FAM133B: variants seen among roughly 807,000 people sequenced by gnomAD.
FAM133B encodes family with sequence similarity 133 member B.
Under a neutral mutation model 46.4 loss-of-function variants are expected in FAM133B, and 25 were observed. That is an observed-to-expected ratio of 0.54 (90% CI 0.39 to 0.75). FAM133B has a LOEUF of 0.75. Among genes scored for constraint, FAM133B ranks in the 30% least tolerant of loss-of-function variants. The pLI is 0.00. For synonymous variants in FAM133B, 75 were observed against 86.0 expected (o/e 0.87, Z 0.71); for missense variants, 205 against 277.6 (o/e 0.74, Z 1.86).
intron 8 of FAM133B, among the ~76,000 whole-genome samples, chr7:92,571,552 T>C (rs977842446): frequency 5.3e-5 from 8 of 152,172 alleles, no homozygotes; most frequent in African/African-American, 1.2e-4. Flanking sequence ...AGTACTGTAA[T>C]AGTCACCCTT....
chr7:92,582,945 C>G (rs1794931310), intron 1 of FAM133B, among the ~76,000 whole-genome samples: 2 of 152,178 alleles, frequency 1.3e-5, no homozygotes, highest in African/African-American at 4.8e-5. Flanking sequence ...AAAAGTTAAA[C>G]ATAGAACTAC....
chr7:92,563,701 C>A (rs1273073381), intron 10 of FAM133B, among the ~76,000 whole-genome samples: 1 of 152,190 alleles, frequency 6.6e-6, no homozygotes, highest in African/African-American at 2.4e-5. Context: ...ATTAGCACAA[C>A]AAAATGCTTC....
chr7:92,581,661 A>C, intron 1 of FAM133B, 58 bp from the exon 2 acceptor site: 2 of 1,332,816 alleles, frequency 1.5e-6, no homozygotes, highest in Non-Finnish European at 2.2e-6. Flanking sequence ...GCAAAACCTC[A>C]CTTACTCATC....
chr7:92,588,987 T>C (rs1041976930), intron 1 of FAM133B, among the ~76,000 whole-genome samples: 5 of 152,168 alleles, frequency 3.3e-5, no homozygotes, highest in Admixed American at 2.6e-4. Context: ...TTACCCAGCC[T>C]CAGGTTTTTC....
At position 92,560,871 on chromosome 7, in the gene FAM133B, C is replaced by A. The variant is rs892581857; in HGVS notation, c.*1411G>T. 6.6e-6 allele frequency: 1 copy of A among 152,474 alleles called. No individual in the cohort carries two copies. The highest frequency in any genetic ancestry group is 1.5e-5 in the Non-Finnish European group (1 of 68,000). 9.4% of individuals were successfully genotyped at this position (152,474 alleles called of 1,614,324 possible). ...TGCATATACCACTATAATTAGCACA[C>A]CCTTTGTAACAGGCAAAATTGTACA... On this transcript the variant is annotated 3_prime_UTR_variant, in exon 11 of 11. Transcript: ENST00000445716.
At chr7:92,584,141 A>G (rs6955925) in intron 1 of FAM133B, among the ~76,000 whole-genome samples, 37,015 of 151,336 alleles carry the variant, frequency 0.24, 5,103 homozygotes, top group African/African-American at 0.37. Flanking sequence ...TCTCACTGCA[A>G]CTTTGAAAAA....
chr7:92,589,949 G>C, intron 1 of FAM133B: 1 of 456,214 alleles, frequency 2.2e-6, no homozygotes, highest in Admixed American at 3.7e-5. Flanking sequence ...GGTGTGGGGG[G>C]GGTTCCCCGA....
At chr7:92,586,434 G>A (rs79270659) in intron 1 of FAM133B, among the ~76,000 whole-genome samples, 1 of 152,112 alleles carries the variant, frequency 6.6e-6, no homozygotes, top group African/African-American at 2.4e-5. Flanking sequence ...TTTCATTTTT[G>A]TATCAGTGTG....
intron 3 of FAM133B, among the ~76,000 whole-genome samples, chr7:92,578,776 T>G (rs1269863245): frequency 6.6e-6 from 1 of 152,172 alleles, no homozygotes; most frequent in Non-Finnish European, 1.5e-5. Context: ...CTGGGTATAA[T>G]GGCTCACACC....
chr7:92,589,801 A>T (rs1795138555), intron 1 of FAM133B: 1 of 159,646 alleles, frequency 6.3e-6, no homozygotes, highest in South Asian at 1.8e-4. Context: ...CGGCACAGGG[A>T]CCGCGTCGAG....
At chr7:92,567,839 C>T (rs1163622896) in intron 9 of FAM133B, among the ~76,000 whole-genome samples, 1 of 151,704 alleles carries the variant, frequency 6.6e-6, no homozygotes, top group Non-Finnish European at 1.5e-5. Context: ...TCTCGGCTCA[C>T]TGCAGCCTCT....
chr7:92,586,824 G>A (rs556528132), intron 1 of FAM133B, among the ~76,000 whole-genome samples: 3 of 152,272 alleles, frequency 2.0e-5, no homozygotes, highest in South Asian at 4.2e-4. Context: ...CAAAGTAGCA[G>A]AAAAGAACAT....
chr7:92,584,047 C>CAAAAA lies in FAM133B; in HGVS notation c.25-2449_25-2445dup, dbSNP rs765172200. Among the ~76,000 whole-genome samples, 36 of 36,800 alleles carry CAAAAA rather than the reference C, an allele frequency of 9.8e-4. 1 individual carries two copies. The highest frequency in any genetic ancestry group is 2.2e-3 in the African/African-American group (23 of 10,626). The allele number at this position is 36,800 out of a possible 152,430, so 24.1% of individuals were successfully genotyped here. ...CCTGGGCGAAAGAGCAAGACTGTCT[C>CAAAAA]AAAAAAAAAAAAAAAAAAAAAAAAA... On this transcript the variant is annotated intron_variant, in intron 1 of 10. Transcript: ENST00000445716.
At chr7:92,572,841 C>G (rs115478543) in intron 8 of FAM133B, among the ~76,000 whole-genome samples, 5 of 151,922 alleles carry the variant, frequency 3.3e-5, no homozygotes, top group Non-Finnish European at 5.9e-5. Flanking sequence ...AAAAGGAGAA[C>G]GGAGAAATAA....
intron 9 of FAM133B, among the ~76,000 whole-genome samples, chr7:92,566,989 T>C (rs554458034): frequency 2.0e-5 from 3 of 152,268 alleles, no homozygotes; most frequent in Admixed American, 1.3e-4. Flanking sequence ...GGTGGGAGAA[T>C]TGCTTGAGGC....
At position 92,562,504 on chromosome 7, in the gene FAM133B, A is replaced by C. The variant is rs1585292349; in HGVS notation, c.658-136T>G. On this transcript the variant is annotated intron_variant, in intron 10 of 10. Coordinates refer to ENST00000445716, the MANE Select transcript of FAM133B (RefSeq NM_152789.4). ...GAAAACTACTCAAAACATTCCTCAA[A>C]AAGTCTCAACAACCAGTATCATATG... The C allele has an allele frequency of 8.7e-6, 11 of 1,264,604 alleles. No individual in the cohort carries two copies. The East Asian group carries it at 3.0e-4, about 35-fold the overall frequency. The allele number at this position is 1,264,604 out of a possible 1,614,324, so 78.3% of individuals were successfully genotyped here.
Position 92,562,476 on chromosome 7 carries a change from C to G in FAM133B, c.658-108G>C, listed in dbSNP as rs544368914. ...CATAATTCCAAACAATCCACACAAC[C>G]AAGAAAACTACTCAAAACATTCCTC... On this transcript the variant is annotated intron_variant, in intron 10 of 10. Coordinates refer to ENST00000445716, the MANE Select transcript of FAM133B (RefSeq NM_152789.4). 1.3e-3 allele frequency: 1,769 copies of G among 1,391,412 alleles called. 6 individuals carry two copies. Among genetic ancestry groups the G allele is most frequent in the Non-Finnish European group, 1.1e-3 (1,205 of 1,060,832 alleles). The allele number at this position is 1,391,412 out of a possible 1,614,324, so 86.2% of individuals were successfully genotyped here.
intron 1 of FAM133B, among the ~76,000 whole-genome samples, chr7:92,583,416 T>C (rs1157450767): frequency 1.3e-5 from 2 of 152,224 alleles, no homozygotes; most frequent in East Asian, 1.9e-4. Context: ...ATGTACTTAA[T>C]GTCACTAAAC....
At chr7:92,570,154 A>G (rs1794483553) in intron 8 of FAM133B, among the ~76,000 whole-genome samples, 1 of 152,174 alleles carries the variant, frequency 6.6e-6, no homozygotes, top group Non-Finnish European at 1.5e-5. Context: ...ATTTTCTTAA[A>G]TTATACAGAA....
Sources: allele counts gnomAD v4.1 joint callset (sites outside exome capture counted in the v4.1 genomes callset), GRCh38; gene constraint gnomAD v4.1.1; transcripts MANE v1.5; gene names NCBI Gene and HGNC (gene_info 2026-07-23, HGNC 2026-07-21).